COG2: variants seen among roughly 807,000 people sequenced by gnomAD.
COG2 encodes component of oligomeric golgi complex 2.
Under a neutral mutation model 90.6 loss-of-function variants are expected in COG2, and 52 were observed. The observed-to-expected ratio is 0.57, with a 90% CI of 0.46 to 0.72. COG2 has a LOEUF of 0.72. Among genes scored for constraint, COG2 ranks in the 30% least tolerant of loss-of-function variants. The pLI is 0.00. For missense variants in COG2, 829 were observed against 891.2 expected (o/e 0.93, Z 0.89); for synonymous variants, 337 against 320.4 (o/e 1.05, Z -0.55).
At chr1:230,687,459 C>T (rs1558280166) in intron 13 of COG2, among the ~76,000 whole-genome samples, 1 of 152,078 alleles carries the variant, frequency 6.6e-6, no homozygotes, top group Non-Finnish European at 1.5e-5. Flanking sequence ...TTTTTTTTCC[C>T]ATTAGCTCAC....
At chr1:230,685,543 A>G (rs1353189062) in intron 12 of COG2, among the ~76,000 whole-genome samples, 1 of 152,202 alleles carries the variant, frequency 6.6e-6, no homozygotes, top group Middle Eastern at 3.2e-3. Context: ...AAAGAAAAAG[A>G]TGTTCATTTT....
chr1:230,651,740 GA>G (rs1324176759), intron 1 of COG2, among the ~76,000 whole-genome samples: 1 of 151,972 alleles, frequency 6.6e-6, no homozygotes, highest in African/African-American at 2.4e-5. Context: ...ATTTTAACAA[GA>G]AAAAAGTCTA....
At chr1:230,672,652 A>G (rs1350158894) in intron 8 of COG2, among the ~76,000 whole-genome samples, 4 of 138,538 alleles carry the variant, frequency 2.9e-5, no homozygotes, top group Middle Eastern at 7.0e-3. Context: ...GCAACATGAC[A>G]AAACCCCATC....
At chr1:230,691,686 G>T in intron 17 of COG2, 122 bp downstream of exon 17, 1 of 902,152 alleles carries the variant, frequency 1.1e-6, no homozygotes, top group Non-Finnish European at 1.7e-6. Flanking sequence ...ATTGCTTCCT[G>T]TGTTAAGACT....
At chr1:230,689,932 T>C in intron 15 of COG2, 82 bp from the exon 16 acceptor site, 1 of 1,371,786 alleles carries the variant, frequency 7.3e-7, no homozygotes, top group Middle Eastern at 1.9e-4. Context: ...TAGTATCCTT[T>C]TGGACTTGAG....
Position 230,663,160 on chromosome 1 carries a change from G to A in COG2, c.320G>A (p.Ser107Asn), listed in dbSNP as rs372658132. 1 of 1,609,492 alleles carries A rather than the reference G, an allele frequency of 6.2e-7. No homozygotes were observed. Among genetic ancestry groups the A allele is most frequent in the South Asian group, 1.1e-5 (1 of 90,432 alleles). Residue 107 changes from serine to asparagine, a missense_variant, in exon 4 of 18, where the codon AGT (serine) becomes AAT (asparagine). Coordinates refer to ENST00000366669, the MANE Select transcript of COG2 (RefSeq NM_007357.3). ...EEVLSLRSSV[S>N]EGIRAVDERM... ...TTAAAGAGCCTTAGATCGTCTGTCA[G>A]TGAAGGAATTCGGGCAGTTGATGAA...
chr1:230,660,543 ATAG>A (rs1315487118), intron 2 of COG2, among the ~76,000 whole-genome samples: 1 of 152,152 alleles, frequency 6.6e-6, no homozygotes, highest in Non-Finnish European at 1.5e-5. Flanking sequence ...TCTTATTTTT[ATAG>A]TTTTCATGTA....
rs372794676 is a variant in COG2 at position 230,691,487 on chromosome 1, G to A, written c.2038G>A (p.Gly680Ser). 3.6e-5 allele frequency: 58 copies of A among 1,614,004 alleles called. 1 individual carries two copies. Among genetic ancestry groups the A allele is most frequent in the Admixed American group, 2.2e-4 (13 of 60,006 alleles). Residue 680 changes from glycine (G) to serine (S), a missense_variant, in exon 17 of 18, where the codon GGT becomes AGT. Transcript: ENST00000366669. ...AAAAACCACTCCCGCCAACCCCGTCGGTCCCAGTGGTGGCATGAGCGACGA... is the reference window on the plus strand; with the variant it reads ...AAAAACCACTCCCGCCAACCCCGTCAGTCCCAGTGGTGGCATGAGCGACGA... ...ARKTTPANPVGPSGGMSDDDK... is the reference protein window; with the variant it reads ...ARKTTPANPVSPSGGMSDDDK...
In COG2 at chr1:230,675,089, C is replaced by T. The variant is rs769921804; in HGVS notation, c.991C>T (p.Leu331Phe). 1 of 1,612,376 alleles carries T rather than the reference C, an allele frequency of 6.2e-7. No homozygotes were observed. The highest frequency in any genetic ancestry group is 1.1e-5 in the South Asian group (1 of 90,592). The change falls in exon 9 of 18, where the codon CTT (leucine) becomes TTT (phenylalanine). Residue 331 changes from leucine to phenylalanine, a missense_variant. Coordinates refer to ENST00000366669, the MANE Select transcript of COG2 (RefSeq NM_007357.3). Reference sequence around the variant, plus strand: ...AGGATTAGAAGAAAAGTTACCCTCGCTTTTTAATCCTGGGAATCCCGATGC... The same window carrying T: ...AGGATTAGAAGAAAAGTTACCCTCGTTTTTTAATCCTGGGAATCCCGATGC... The part of the protein sequence containing the change: ...VQGLEEKLPS[L>F]FNPGNPDAFH...
chr1:230,681,389 G>A (rs1558278014), intron 10 of COG2: 2 of 152,100 alleles, frequency 1.3e-5, no homozygotes, highest in Non-Finnish European at 2.9e-5. Flanking sequence ...AATCTACATA[G>A]TAGTATTAAG....
intron 1 of COG2, among the ~76,000 whole-genome samples, chr1:230,650,115 C>T (rs536427613): frequency 6.6e-6 from 1 of 152,274 alleles, no homozygotes; most frequent in South Asian, 2.1e-4. Context: ...TTTATCCAAT[C>T]CTCCGTTGAT....
rs1663089855 is a variant in COG2, at chr1:230,693,404, A to C, written c.*11A>C. 6.4e-7 allele frequency: 1 copy of C among 1,560,260 alleles called. No individual in the cohort carries two copies. The highest frequency in any genetic ancestry group is 1.4e-5 in the African/African-American group (1 of 73,498). ...GCAGAGCAGCCTTAAGCATCTTGGA[A>C]GATCCCGAGGTTAGATTCTTAAGCA... is the stretch of plus-strand genomic sequence containing the variant. On this transcript the variant is annotated 3_prime_UTR_variant, in exon 18 of 18. Coordinates refer to ENST00000366669, the MANE Select transcript of COG2 (RefSeq NM_007357.3).
chr1:230,650,940 A>AT (rs1428472467), intron 1 of COG2, among the ~76,000 whole-genome samples: 2 of 152,216 alleles, frequency 1.3e-5, no homozygotes, highest in Non-Finnish European at 2.9e-5. Context: ...TTTATCGAAT[A>AT]TGCAGGGGCA....
Position 230,693,612 on chromosome 1 carries a change from G to A in COG2, c.*219G>A, listed in dbSNP as rs1663097461. 1 of 388,588 alleles carries A rather than the reference G, an allele frequency of 2.6e-6. No homozygotes were observed. The highest frequency in any genetic ancestry group is 6.7e-4 in the Middle Eastern group (1 of 1,486). 24.1% of individuals were successfully genotyped at this position (388,588 alleles called of 1,614,324 possible). A position where few individuals can be genotyped will look rare whatever the true frequency, so the allele number is the denominator to read the frequency against. On this transcript the variant is annotated 3_prime_UTR_variant, in exon 18 of 18. Coordinates refer to ENST00000366669, the MANE Select transcript of COG2 (RefSeq NM_007357.3). ...GCCTTTTTCCATTGTATGGAAGATAGTTTTTAAGACATTTGAAACTTTCTA... is the reference window on the plus strand; with the variant it reads ...GCCTTTTTCCATTGTATGGAAGATAATTTTTAAGACATTTGAAACTTTCTA...
At chr1:230,691,026 T>C (rs1468667967) in intron 16 of COG2, among the ~76,000 whole-genome samples, 2 of 152,176 alleles carry the variant, frequency 1.3e-5, no homozygotes, top group East Asian at 3.9e-4. Flanking sequence ...GAACTACAGA[T>C]GTCCACCCTC....
intron 9 of COG2, among the ~76,000 whole-genome samples, chr1:230,677,849 AAG>A (rs1242662333): frequency 1.3e-5 from 2 of 152,188 alleles, no homozygotes; most frequent in Non-Finnish European, 2.9e-5. Flanking sequence ...TGTTTCTTGT[AAG>A]AGGGCAATAT....
intron 1 of COG2, among the ~76,000 whole-genome samples, chr1:230,645,655 T>G (rs1661752207): frequency 6.6e-6 from 1 of 152,196 alleles, no homozygotes. Context: ...TTTATTTCTA[T>G]AATTATTACA....
intron 5 of COG2, among the ~76,000 whole-genome samples, chr1:230,665,763 T>C (rs1217983439): frequency 3.3e-5 from 5 of 152,180 alleles, no homozygotes; most frequent in African/African-American, 9.7e-5. Flanking sequence ...TCCCCATCAG[T>C]GTCAGTTCTG....
intron 2 of COG2, 72 bp from the exon 3 acceptor site, chr1:230,660,686 G>A (rs1662160212): frequency 9.8e-7 from 1 of 1,017,388 alleles, no homozygotes. Flanking sequence ...GCACTACATT[G>A]ATCATTAAAT....
Sources: gnomAD v4.1 joint callset for allele counts (sites outside exome capture counted in the v4.1 genomes callset) on GRCh38, gnomAD v4.1.1 for gene constraint, MANE v1.5 for transcripts, NCBI Gene and HGNC (gene_info 2026-07-23, HGNC 2026-07-21) for gene names.